PLEKHG5: variants seen among roughly 807,000 people sequenced by gnomAD.
The protein encoded by PLEKHG5 is pleckstrin homology domain-containing family G member 5.
Under a neutral mutation model 103.8 loss-of-function variants are expected in PLEKHG5, and 52 were observed. The observed-to-expected ratio is 0.50, with a 90% CI of 0.40 to 0.63. PLEKHG5 has a LOEUF of 0.63. Among genes scored for constraint, PLEKHG5 ranks in the 30% least tolerant of loss-of-function variants. The pLI is 0.00. For missense variants in PLEKHG5, 1,205 were observed against 1,347.6 expected, an observed-to-expected ratio of 0.89 and a Z score of 1.66; for synonymous variants, 592 against 575.5, an observed-to-expected ratio of 1.03 and a Z score of -0.41.
chr1:6,516,294 TC>T (rs1638608957), intron 1 of PLEKHG5, among the ~76,000 whole-genome samples: 1 of 152,086 alleles, frequency 6.6e-6, no homozygotes, highest in Admixed American at 6.6e-5. Flanking sequence ...TTGGAAACAA[TC>T]CAAAAGTTTG....
intron 1 of PLEKHG5, among the ~76,000 whole-genome samples, chr1:6,478,584 C>T (rs1644822406): frequency 6.6e-6 from 1 of 152,142 alleles, no homozygotes; most frequent in Non-Finnish European, 1.5e-5. Flanking sequence ...CTTCCTAGTT[C>T]TCTCCTCCCA....
intron 3 of PLEKHG5, 138 bp from the exon 4 acceptor site, chr1:6,475,660 C>A: frequency 1.2e-6 from 1 of 807,320 alleles, no homozygotes; most frequent in Non-Finnish European, 2.1e-6. Context: ...CCCGGCCAGG[C>A]CCGCATAGGG....
At chr1:6,494,118 A>ATT (rs36105555), upstream of PLEKHG5, among the ~76,000 whole-genome samples, 250 of 75,742 alleles carry the variant, frequency 3.3e-3, 6 homozygotes, top group African/African-American at 0.021. Context: ...CACCTGGCTA[A>ATT]TTTTTTTTTT....
At position 6,467,419 on chromosome 1, in the gene PLEKHG5, C is replaced by T. The variant is rs1236626846; in HGVS notation, c.*144G>A. 2.2e-6 allele frequency: 2 copies of T among 891,726 alleles called. No homozygotes were observed. The highest frequency in any genetic ancestry group is 2.4e-5 in the East Asian group (1 of 41,728). 55.2% of individuals were successfully genotyped at this position (891,726 alleles called of 1,614,324 possible). A position where few individuals can be genotyped will look rare whatever the true frequency, so the allele number is the denominator to read the frequency against. On this transcript the variant is annotated 3_prime_UTR_variant, in exon 21 of 21. Coordinates refer to ENST00000377728, the MANE Select transcript of PLEKHG5 (RefSeq NM_020631.6). ...CCATCCAGTCCGGCAAAGCGCAAAT[C>T]GGGCCCGGGCGTAGGCAGGGATCCT... is the stretch of plus-strand genomic sequence containing the variant.
upstream of PLEKHG5, among the ~76,000 whole-genome samples, chr1:6,492,591 A>G (rs1645166785): frequency 6.6e-6 from 1 of 151,572 alleles, no homozygotes. Flanking sequence ...TGTTACCCCC[A>G]CTCCCAGGAC....
upstream of PLEKHG5, among the ~76,000 whole-genome samples, chr1:6,493,304 C>A (rs1429675325): frequency 6.6e-6 from 1 of 152,248 alleles, no homozygotes; most frequent in East Asian, 1.9e-4. Flanking sequence ...CCTTTGTTCT[C>A]TGGAGATCTC....
chr1:6,467,142 A>G lies in PLEKHG5; in HGVS notation c.*421T>C. 1 of 332,172 alleles carries G rather than the reference A, an allele frequency of 3.0e-6. No homozygotes were observed. The highest frequency in any genetic ancestry group is 5.8e-6 in the Non-Finnish European group (1 of 172,792). 20.6% of individuals were successfully genotyped at this position (332,172 alleles called of 1,614,324 possible). On this transcript the variant is annotated 3_prime_UTR_variant, in exon 21 of 21. Coordinates refer to ENST00000377728, the MANE Select transcript of PLEKHG5 (RefSeq NM_020631.6). Reference sequence around the variant, plus strand: ...CCCAGTGGAGTCTAGACAAGTCTTTATAAAAGAACCAAAAGCTCAATAAAT... The same window carrying G: ...CCCAGTGGAGTCTAGACAAGTCTTTGTAAAAGAACCAAAAGCTCAATAAAT...
chr1:6,467,433 G>A lies in PLEKHG5; in HGVS notation c.*130C>T. The A allele has an allele frequency of 1.0e-6, 1 of 995,192 alleles. No individual in the cohort carries two copies. The highest frequency in any genetic ancestry group is 1.3e-5 in the South Asian group (1 of 78,832). The allele number at this position is 995,192 out of a possible 1,614,324, so 61.6% of individuals were successfully genotyped here. On this transcript the variant is annotated 3_prime_UTR_variant, in exon 21 of 21. Coordinates refer to ENST00000377728, the MANE Select transcript of PLEKHG5 (RefSeq NM_020631.6). ...AAAGCGCAAATCGGGCCCGGGCGTA[G>A]GCAGGGATCCTGCCCAGCATCCGGC... is the stretch of plus-strand genomic sequence containing the variant.
chr1:6,478,651 T>A (rs918950968), intron 1 of PLEKHG5, among the ~76,000 whole-genome samples: 2 of 152,230 alleles, frequency 1.3e-5, no homozygotes, highest in East Asian at 1.9e-4. Flanking sequence ...TTTATTTTTT[T>A]AAATTTTTCT....
intron 1 of PLEKHG5, among the ~76,000 whole-genome samples, chr1:6,508,891 G>A (rs1421640164): frequency 3.3e-5 from 5 of 152,250 alleles, no homozygotes; most frequent in South Asian, 2.1e-4. Flanking sequence ...ACAGAGCTAG[G>A]AAGAGGGAGA....
chr1:6,476,066 TC>T, intron 2 of PLEKHG5, 30 bp from the exon 3 acceptor site: 2 of 1,572,236 alleles, frequency 1.3e-6, no homozygotes. Context: ...GGGTTGTGCC[TC>T]CCCCGCCCCT....
At position 6,472,681 on chromosome 1, in the gene PLEKHG5, G is replaced by A. The variant is rs549406493; in HGVS notation, c.985-59C>T. ...CCTGGAGCACCTTAGGGTGGCCGGG[G>A]AGGATAAGCAACCTGCATGCAACTC... On this transcript the variant is annotated intron_variant, in intron 9 of 20. Transcript: ENST00000377728. The A allele has an allele frequency of 4.0e-6, 5 of 1,251,848 alleles. No homozygotes were observed. In the African/African-American group the frequency reaches 5.9e-5, roughly 15 times the overall value. 77.5% of individuals were successfully genotyped at this position (1,251,848 alleles called of 1,614,324 possible). A position where few individuals can be genotyped will look rare whatever the true frequency, so the allele number is the denominator to read the frequency against.
chr1:6,497,308 G>T (rs1335496534), upstream of PLEKHG5: 29 of 1,116,506 alleles, frequency 2.6e-5, no homozygotes, highest in Non-Finnish European at 3.2e-5. The surrounding 1 kb of genome is among the most constrained non-coding windows in gnomAD (Gnocchi z 6.1). Flanking sequence ...CCGGGTCCCC[G>T]CCTGCACTCA....
At chr1:6,471,190 T>G in intron 12 of PLEKHG5, 90 bp from the exon 13 acceptor site, 1 of 1,072,438 alleles carries the variant, frequency 9.3e-7, no homozygotes. Flanking sequence ...GCTTCCTTAC[T>G]GCACTTGGGC....
chr1:6,497,171 C>A, upstream of PLEKHG5: 1 of 899,396 alleles, frequency 1.1e-6, no homozygotes, highest in Non-Finnish European at 1.8e-6. This position sits in a 1 kb window ranked among gnomAD's most constrained non-coding sequence, Gnocchi z 6.1. Flanking sequence ...CAGGCCCCGA[C>A]TTGGGGGCCG....
chr1:6,504,443 C>G (rs1440535903), intron 1 of PLEKHG5, among the ~76,000 whole-genome samples: 2 of 152,226 alleles, frequency 1.3e-5, no homozygotes, highest in Non-Finnish European at 2.9e-5. Context: ...CCTGCCTCTC[C>G]TGACAAGCAG....
chr1:6,496,575 G>A (rs1645229041), upstream of PLEKHG5: 2 of 1,562,698 alleles, frequency 1.3e-6, no homozygotes, highest in East Asian at 4.7e-5. Flanking sequence ...GTCGTCTGCA[G>A]GGGAGGAGCA....
Position 6,470,526 on chromosome 1 carries a change from T to A in PLEKHG5, c.1660A>T (p.Ser554Cys), listed in dbSNP as rs1480958708. The stretch of plus-strand genomic sequence containing the variant: ...CCCACCTTGTCCACTTCGTCGCTGC[T>A]GCTTTCCACCACCTCGTAGGCGTCG... The part of the protein sequence containing the change: ...RIDAYEVVES[S>C]SDEVDKLLKE... The change falls in exon 15 of 21, where the codon AGC becomes TGC. Residue 554 changes from serine (S) to cysteine (C), a missense_variant. Physicochemically the swap from Ser to Cys is moderately radical, Grantham distance 112. Coordinates refer to ENST00000377728, the MANE Select transcript of PLEKHG5 (RefSeq NM_020631.6). 1 of 1,609,258 alleles carries A rather than the reference T, an allele frequency of 6.2e-7. No homozygotes were observed. Among genetic ancestry groups the A allele is most frequent in the Non-Finnish European group, 8.5e-7 (1 of 1,179,912 alleles).
intron 1 of PLEKHG5, among the ~76,000 whole-genome samples, chr1:6,516,135 G>A (rs924942618): frequency 6.6e-6 from 1 of 152,198 alleles, no homozygotes; most frequent in Non-Finnish European, 1.5e-5. Context: ...CCATTTGCAA[G>A]AATGAAAAAC....
Sources: gnomAD v4.1 joint callset for allele counts (sites outside exome capture counted in the v4.1 genomes callset) on GRCh38, gnomAD v4.1.1 for gene constraint, Gnocchi (gnomAD v3.1) non-coding constraint, MANE v1.5 for transcripts, NCBI Gene and HGNC (gene_info 2026-07-23, HGNC 2026-07-21) for gene names.